INPP5A: variants seen among roughly 807,000 people sequenced by gnomAD.
INPP5A encodes the protein 43 kDa inositol polyphosphate 5-phophatase.
A neutral mutation model predicts 65.2 loss-of-function variants in INPP5A; 14 were observed. That is an observed-to-expected ratio of 0.21 (90% CI 0.14 to 0.34). INPP5A has a LOEUF of 0.34. Among genes scored for constraint, INPP5A ranks in the 10% least tolerant of loss-of-function variants. The pLI, the probability that INPP5A is intolerant of heterozygous loss-of-function variation, is 1.00. For synonymous variants in INPP5A, 207 were observed against 208.3 expected, an observed-to-expected ratio of 0.99 and a Z score of 0.05; for missense variants, 431 against 545.6, an observed-to-expected ratio of 0.79 and a Z score of 2.09.
Position 132,537,810 on chromosome 10 carries a change from G to C in INPP5A, c.-287G>C, listed in dbSNP as rs2070857016. On this transcript the variant is annotated 5_prime_UTR_variant, in exon 1 of 16. Transcript: ENST00000368594. ...GGACTTGCCCTCAGCCTGAGTCGGC[G>C]GCGGCTGCGGGAACTTTCCCAGCGG... The C allele has an allele frequency of 2.7e-6, 1 of 369,640 alleles. No individual in the cohort carries two copies. The highest frequency in any genetic ancestry group is 4.8e-6 in the Non-Finnish European group (1 of 207,224). 22.9% of individuals were successfully genotyped at this position (369,640 alleles called of 1,614,324 possible).
intron 4 of INPP5A, among the ~76,000 whole-genome samples, chr10:132,670,054 A>G (rs775159646): frequency 8.6e-4 from 53 of 61,780 alleles, no homozygotes; most frequent in Non-Finnish European, 1.2e-3. Flanking sequence ...CCCTCACTGC[A>G]CACGTTCTCA....
intron 6 of INPP5A, among the ~76,000 whole-genome samples, chr10:132,701,051 T>TTCC (rs1227023885): frequency 1.3e-5 from 2 of 152,240 alleles, no homozygotes; most frequent in Non-Finnish European, 2.9e-5. Context: ...GATGAATTAA[T>TTCC]TCCACTAATG....
rs376806348 is a variant in INPP5A at position 132,674,271 on chromosome 10, C to G, written c.307-16121C>G. On this transcript the variant is annotated intron_variant, in intron 4 of 15. Transcript: ENST00000368594. The surrounding 1 kb of genome is among the most constrained non-coding windows in gnomAD (Gnocchi z 4.4). ...CCTGACCATCCAGCCAAACCATTGGCTACGGCCCATGAATCAGTATATAAT... is the reference window on the plus strand; with the variant it reads ...CCTGACCATCCAGCCAAACCATTGGGTACGGCCCATGAATCAGTATATAAT... Among the ~76,000 whole-genome samples the G allele has an allele frequency of 6.6e-6, 1 of 152,350 alleles. No individual in the cohort carries two copies. The highest frequency in any genetic ancestry group is 1.5e-5 in the Non-Finnish European group (1 of 68,032).
chr10:132,769,368 G>A (rs542487903), intron 12 of INPP5A, among the ~76,000 whole-genome samples: 148 of 152,306 alleles, frequency 9.7e-4, no homozygotes, highest in African/African-American at 3.4e-3. Context: ...GTGAGCAGGC[G>A]GGAAGGAGGC....
intron 1 of INPP5A, among the ~76,000 whole-genome samples, chr10:132,548,085 G>A (rs1456931695): frequency 6.6e-6 from 1 of 151,968 alleles, no homozygotes; most frequent in Non-Finnish European, 1.5e-5. Flanking sequence ...TGTATTTTTA[G>A]TAGAGACAGG....
At chr10:132,598,701 C>T (rs1184076585) in intron 1 of INPP5A, among the ~76,000 whole-genome samples, 1 of 152,128 alleles carries the variant, frequency 6.6e-6, no homozygotes, top group Admixed American at 6.5e-5. Context: ...GCTTTCAGTT[C>T]TTTTGGGAAT....
intron 9 of INPP5A, among the ~76,000 whole-genome samples, chr10:132,736,121 G>A (rs981332220): frequency 6.6e-6 from 1 of 152,216 alleles, no homozygotes; most frequent in Non-Finnish European, 1.5e-5. Context: ...CATGAAACAC[G>A]CCAGTCGTGT....
At chr10:132,629,947 G>A (rs2072242631) in intron 2 of INPP5A, among the ~76,000 whole-genome samples, 4 of 152,122 alleles carry the variant, frequency 2.6e-5, no homozygotes. Context: ...TCCTTGAGGG[G>A]AGAGTGTTCT....
At chr10:132,769,518 C>T (rs998342313) in intron 12 of INPP5A, among the ~76,000 whole-genome samples, 1 of 152,124 alleles carries the variant, frequency 6.6e-6, no homozygotes, top group Admixed American at 6.5e-5. Context: ...GTGCTATTTC[C>T]ATCGGGTGTG....
rs1240363214 is a variant in INPP5A at position 132,697,387 on chromosome 10, C to A, written c.371-429C>A. Among the ~76,000 whole-genome samples the A allele has an allele frequency of 1.3e-5, 2 of 152,258 alleles. No homozygotes were observed. Among genetic ancestry groups the A allele is most frequent in the African/African-American group, 4.8e-5 (2 of 41,466 alleles). On this transcript the variant is annotated intron_variant, in intron 5 of 15. Transcript: ENST00000368594. This position sits in a 1 kb window ranked among gnomAD's most constrained non-coding sequence, Gnocchi z 5.6. ...CCCTGCCGCGCGCTGCCTCTCTCAC[C>A]ATCACACATAAACCTCTTCCCTGGA... is the stretch of plus-strand genomic sequence containing the variant.
chr10:132,656,275 CA>C (rs1340527591), intron 4 of INPP5A, among the ~76,000 whole-genome samples: 1 of 152,224 alleles, frequency 6.6e-6, no homozygotes, highest in African/African-American at 2.4e-5. Flanking sequence ...AGGAAAGCCC[CA>C]CTCTCCTCTT....
chr10:132,767,632 C>G (rs1052865546), intron 12 of INPP5A, among the ~76,000 whole-genome samples: 1 of 152,208 alleles, frequency 6.6e-6, no homozygotes, highest in African/African-American at 2.4e-5. Context: ...TCCCCCATCC[C>G]GCTTGGATCT....
At chr10:132,722,322 G>T (rs1590956975) in intron 8 of INPP5A, among the ~76,000 whole-genome samples, 1 of 152,186 alleles carries the variant, frequency 6.6e-6, no homozygotes, top group Admixed American at 6.5e-5. Flanking sequence ...CCAACTCCTA[G>T]CAAGTTAGGT....
chr10:132,752,190 G>C (rs1037610024), intron 11 of INPP5A, among the ~76,000 whole-genome samples: 1 of 151,982 alleles, frequency 6.6e-6, no homozygotes, highest in Admixed American at 6.6e-5. Context: ...GTGCTTTCAG[G>C]GTCCCTAGCA....
rs1228863406 is a variant in INPP5A at position 132,546,191 on chromosome 10, C to T, written c.75+8020C>T. Among the ~76,000 whole-genome samples, 1 of 152,216 alleles carries T rather than the reference C, an allele frequency of 6.6e-6. No homozygotes were observed. The highest frequency in any genetic ancestry group is 6.5e-5 in the Admixed American group (1 of 15,288). On this transcript the variant is annotated intron_variant, in intron 1 of 15. Transcript: ENST00000368594. This position sits in a 1 kb window ranked among gnomAD's most constrained non-coding sequence, Gnocchi z 5.7. The stretch of plus-strand genomic sequence containing the variant: ...TCGTCCTGGGTGGGTTGGGGCTGGA[C>T]ACCACTTCTGGGGCAGGTCTAGGGT...
chr10:132,718,686 T>C (rs1379913222), intron 8 of INPP5A, among the ~76,000 whole-genome samples: 3 of 150,438 alleles, frequency 2.0e-5, no homozygotes. Flanking sequence ...GTGCCTGGGT[T>C]CTGTCTGAGC....
intron 4 of INPP5A, among the ~76,000 whole-genome samples, chr10:132,652,643 C>G (rs993712566): frequency 3.9e-5 from 6 of 152,220 alleles, no homozygotes; most frequent in Non-Finnish European, 8.8e-5. Flanking sequence ...CCAGCTACCT[C>G]TTCCTCATGG....
Position 132,643,411 on chromosome 10 carries a change from G to C in INPP5A, c.118-2457G>C, listed in dbSNP as rs187579037. On this transcript the variant is annotated intron_variant, in intron 2 of 15. Coordinates refer to ENST00000368594, the MANE Select transcript of INPP5A (RefSeq NM_005539.5). Reference sequence around the variant, plus strand: ...AGCACTTTGGGAGGCTGAGGTGGGAGATCACTCGAGCCCAGGAGTTGGAGG... The same window carrying C: ...AGCACTTTGGGAGGCTGAGGTGGGACATCACTCGAGCCCAGGAGTTGGAGG... Among the ~76,000 whole-genome samples, 3 of 152,142 alleles carry C rather than the reference G, an allele frequency of 2.0e-5. No individual in the cohort carries two copies. The South Asian group carries it at 6.2e-4, about 32-fold the overall frequency.
chr10:132,752,518 CGTG>C (rs561351335), intron 11 of INPP5A, among the ~76,000 whole-genome samples: 151 of 97,232 alleles, frequency 1.6e-3, no homozygotes, highest in East Asian at 2.8e-3. Context: ...AGGGGCGTGG[CGTG>C]GAGGAGGTGT....
Sources: allele counts gnomAD v4.1 joint callset (sites outside exome capture counted in the v4.1 genomes callset), GRCh38; gene constraint gnomAD v4.1.1; non-coding constraint Gnocchi (gnomAD v3.1); transcripts MANE v1.5; gene names NCBI Gene and HGNC (gene_info 2026-07-23, HGNC 2026-07-21).